CASP8: variants seen among roughly 807,000 people sequenced by gnomAD.
The protein encoded by CASP8 is caspase 8.
Under a neutral mutation model 46.3 loss-of-function variants are expected in CASP8, and 24 were observed. That is an observed-to-expected ratio of 0.52 (90% CI 0.38 to 0.73). The LOEUF is 0.73. CASP8 is among the 30% of genes least tolerant of loss of function. The probability of loss-of-function intolerance (pLI) is 0.00; values close to 1 mark genes in which losing one functional copy is unlikely to be tolerated. For missense variants in CASP8, 460 were observed against 559.0 expected, an observed-to-expected ratio of 0.82 and a Z score of 1.79; for synonymous variants, 188 against 200.4, an observed-to-expected ratio of 0.94 and a Z score of 0.52.
At chr2:201,248,602 C>A (rs924737426) in intron 2 of CASP8, among the ~76,000 whole-genome samples, 2 of 152,180 alleles carry the variant, frequency 1.3e-5, no homozygotes, top group South Asian at 2.1e-4. Context: ...AGTGGCCGCT[C>A]TTTTTGTCCG....
At chr2:201,255,619 G>A (rs139705220), upstream of CASP8, among the ~76,000 whole-genome samples, 1 of 152,148 alleles carries the variant, frequency 6.6e-6, no homozygotes, top group African/African-American at 2.4e-5. Flanking sequence ...ACACTCCTGA[G>A]TTCATGCACT....
intron 7 of CASP8, among the ~76,000 whole-genome samples, chr2:201,277,480 A>G (rs1319302571): frequency 6.6e-6 from 1 of 152,264 alleles, no homozygotes; most frequent in East Asian, 1.9e-4. Flanking sequence ...TGAAAAAACA[A>G]TTTGTAGTAT....
At chr2:201,283,697 CCCGCCTCCCT>C (rs1221443156) in intron 7 of CASP8, among the ~76,000 whole-genome samples, 2 of 92,086 alleles carry the variant, frequency 2.2e-5, no homozygotes, top group African/African-American at 3.4e-5. Flanking sequence ...ACCACCCCCC[CCCGCCTCCCT>C]CCCGGACGGG....
At chr2:201,275,895 C>T (rs1948600973) in intron 6 of CASP8, among the ~76,000 whole-genome samples, 1 of 152,118 alleles carries the variant, frequency 6.6e-6, no homozygotes, top group Admixed American at 6.6e-5. Context: ...GTCTTAGTAT[C>T]TCAGTAAATA....
intron 2 of CASP8, among the ~76,000 whole-genome samples, chr2:201,252,486 G>A (rs1946830488): frequency 6.6e-6 from 1 of 152,174 alleles, no homozygotes; most frequent in Non-Finnish European, 1.5e-5. Context: ...ATGTTGGCCA[G>A]GATGGTCTGG....
At chr2:201,270,365 G>A (rs1230823874) in intron 2 of CASP8, among the ~76,000 whole-genome samples, 1 of 152,164 alleles carries the variant, frequency 6.6e-6, no homozygotes, top group Non-Finnish European at 1.5e-5. Context: ...ATTATCTTCA[G>A]TCTATGGACG....
chr2:201,240,275 C>T (rs1946246768), intron 2 of CASP8: 1 of 152,092 alleles, frequency 6.6e-6, no homozygotes, highest in South Asian at 2.1e-4. Context: ...CACAGAGAAA[C>T]ATTAGAATCA....
chr2:201,285,882 G>A (rs1254017341), intron 8 of CASP8, among the ~76,000 whole-genome samples: 1 of 152,210 alleles, frequency 6.6e-6, no homozygotes, highest in East Asian at 1.9e-4. Context: ...TATATGAAGA[G>A]TGAGAATTTC....
At chr2:201,269,634 AT>A in intron 2 of CASP8, 1 of 1,523,768 alleles carries the variant, frequency 6.6e-7, no homozygotes, top group Non-Finnish European at 9.1e-7. Context: ...TCTTTAATGT[AT>A]TGGCTTAGAG....
chr2:201,250,730 G>A (rs10202305), intron 2 of CASP8, among the ~76,000 whole-genome samples: 13,594 of 152,232 alleles, frequency 0.089, 1,138 homozygotes, highest in African/African-American at 0.22. Context: ...CATGTCAGTC[G>A]TGGTGCCATA....
Position 201,276,870 on chromosome 2 carries a change from A to G in CASP8, c.704A>G (p.Tyr235Cys), listed in dbSNP as rs1162853441. The G allele has an allele frequency of 2.5e-6, 4 of 1,614,100 alleles. No individual in the cohort carries two copies. Among genetic ancestry groups the G allele is most frequent in the Admixed American group, 3.3e-5 (2 of 60,022 alleles). Residue 235 changes from tyrosine (Y) to cysteine (C), a missense_variant, in exon 7 of 9, where the codon TAC becomes TGC. Physicochemically the swap from Tyr to Cys is radical, Grantham distance 194. Transcript: ENST00000673742. The stretch of plus-strand genomic sequence containing the variant: ...CAAATGAAAAGCAAACCTCGGGGAT[A>G]CTGTCTGATCATCAACAATCACAAT... Reference protein sequence around the residue: ...VYQMKSKPRGYCLIINNHNFA... With the variant: ...VYQMKSKPRGCCLIINNHNFA...
intron 7 of CASP8, among the ~76,000 whole-genome samples, chr2:201,279,313 C>G (rs752268536): frequency 3.3e-5 from 5 of 152,118 alleles, no homozygotes; most frequent in Non-Finnish European, 5.9e-5. Flanking sequence ...TGTGCCAGGC[C>G]CAGCAAAGGA....
At chr2:201,252,328 T>A (rs1179217076) in intron 2 of CASP8, among the ~76,000 whole-genome samples, 1 of 152,082 alleles carries the variant, frequency 6.6e-6, no homozygotes, top group African/African-American at 2.4e-5. Flanking sequence ...CAGGCTGTAG[T>A]ACAGTGGCAT....
intron 1 of CASP8, among the ~76,000 whole-genome samples, chr2:201,261,621 A>G (rs1947416915): frequency 6.6e-6 from 1 of 152,136 alleles, no homozygotes; most frequent in African/African-American, 2.4e-5. Flanking sequence ...TGTTATGGAC[A>G]TCATGTGCGT....
intron 3 of CASP8, among the ~76,000 whole-genome samples, chr2:201,271,896 T>C (rs988867605): frequency 6.6e-6 from 1 of 152,150 alleles, no homozygotes; most frequent in African/African-American, 2.4e-5. Context: ...AAGACTGCGG[T>C]GGGTCTGAGA....
Position 201,271,603 on chromosome 2 carries a change from C to T in CASP8, c.393C>T (p.Cys131=). ...TTTTGCAAGAGGAAATCTCCAAATGCAAACTGGATGATGACATGGTAAGAC... is the reference window on the plus strand; with the variant it reads ...TTTTGCAAGAGGAAATCTCCAAATGTAAACTGGATGATGACATGGTAAGAC... ...KFLLQEEISK[C]KLDDDMNLLD... is the part of the protein sequence containing the mutation. The change falls in exon 3 of 9, where the codon TGC becomes TGT. Residue 131 remains cysteine (C), a synonymous_variant. Transcript: ENST00000673742. The T allele has an allele frequency of 6.3e-7, 1 of 1,591,140 alleles. No individual in the cohort carries two copies. Among genetic ancestry groups the T allele is most frequent in the Non-Finnish European group, 8.6e-7 (1 of 1,159,092 alleles).
rs372898570 is a variant in CASP8, at chr2:201,237,150, G to A, written c.-27+3038G>A. ...GTGTCGCCCAGGCTGGAGTGCAGTG[G>A]CACGTTCTTGGCTCACTGCAACCTC... On this transcript the variant is annotated intron_variant, in intron 2 of 6. Coordinates refer to the CASP8 transcript ENST00000264274. Among the ~76,000 whole-genome samples the A allele has an allele frequency of 9.6e-4, 139 of 144,712 alleles. 1 individual carries two copies. Among genetic ancestry groups the A allele is most frequent in the African/African-American group, 3.5e-3 (133 of 38,140 alleles). The allele number at this position is 144,712 out of a possible 152,430, so 94.9% of individuals were successfully genotyped here.
intron 2 of CASP8, among the ~76,000 whole-genome samples, chr2:201,243,161 T>C (rs538583857): frequency 6.6e-6 from 1 of 152,276 alleles, no homozygotes; most frequent in South Asian, 2.1e-4. Context: ...TGTACAACAT[T>C]GTACCTATAG....
In CASP8 at chr2:201,285,161, T is replaced by C; in HGVS notation, c.1148T>C (p.Met383Thr). 6.2e-7 allele frequency: 1 copy of C among 1,614,146 alleles called. No individual in the cohort carries two copies. Among genetic ancestry groups the C allele is most frequent in the Non-Finnish European group, 8.5e-7 (1 of 1,180,010 alleles). Residue 383 changes from methionine to threonine, a missense_variant, in exon 8 of 9, where the codon ATG (methionine) becomes ACG (threonine). Transcript: ENST00000673742. ...TDSEEQPYLE[M>T]DLSSPQTRYI... ...TCAGAGGAGCAACCCTATTTAGAAA[T>C]GGATTTATCATCACCTCAAACGAGA... is the stretch of plus-strand genomic sequence containing the variant.
Sources: allele counts gnomAD v4.1 joint callset (sites outside exome capture counted in the v4.1 genomes callset), GRCh38; gene constraint gnomAD v4.1.1; transcripts MANE v1.5; gene names NCBI Gene and HGNC (gene_info 2026-07-23, HGNC 2026-07-21).